Variants in ANAPC5 observed in about 807,000 individuals in gnomAD.
ANAPC5 encodes anaphase promoting complex subunit 5.
ANAPC5 carries 60 observed loss-of-function variants against 91.3 expected under a neutral mutation model. That is an observed-to-expected ratio of 0.66 (90% CI 0.53 to 0.81). The LOEUF (loss-of-function observed/expected upper bound fraction) is 0.81, where lower values mean the gene tolerates loss of function less well. ANAPC5 is among the 40% of genes least tolerant of loss of function. The pLI is 0.00. For synonymous variants in ANAPC5, 340 were observed against 364.1 expected, an observed-to-expected ratio of 0.93 and a Z score of 0.75; for missense variants, 690 against 931.5, an observed-to-expected ratio of 0.74 and a Z score of 3.37.
At chr12:121,354,027 C>T (rs1469044825), upstream of ANAPC5, among the ~76,000 whole-genome samples, 2 of 149,338 alleles carry the variant, frequency 1.3e-5, no homozygotes, top group East Asian at 3.9e-4. Flanking sequence ...CTTGCTCTGT[C>T]GCCCAGTCTG....
intron 16 of ANAPC5, 101 bp from the exon 17 acceptor site, chr12:121,308,792 G>T: frequency 1.0e-6 from 1 of 970,810 alleles, no homozygotes; most frequent in Non-Finnish European, 1.6e-6. Flanking sequence ...ACTACCAGAA[G>T]ATTCTTTTAT....
chr12:121,329,972 T>C (rs1555272716), intron 9 of ANAPC5, among the ~76,000 whole-genome samples: 1 of 152,180 alleles, frequency 6.6e-6, no homozygotes, highest in Non-Finnish European at 1.5e-5. Flanking sequence ...ATTCACGGCC[T>C]TCCCTATCAC....
intron 5 of ANAPC5, among the ~76,000 whole-genome samples, chr12:121,340,546 T>C (rs1368555656): frequency 1.3e-5 from 2 of 151,650 alleles, no homozygotes; most frequent in African/African-American, 4.8e-5. Flanking sequence ...AATTTTTTTT[T>C]TTTTTTTTGA....
intron 3 of ANAPC5, 99 bp from the exon 4 acceptor site, chr12:121,346,130 C>T: frequency 1.0e-6 from 1 of 980,124 alleles, no homozygotes; most frequent in South Asian, 1.7e-5. Context: ...TGGAATTCTT[C>T]CTTCAGAAGA....
chr12:121,346,792 C>T (rs1270667656), intron 3 of ANAPC5, 104 bp downstream of exon 3: 10 of 599,762 alleles, frequency 1.7e-5, no homozygotes, highest in Non-Finnish European at 2.5e-5. Flanking sequence ...CCAACATCCC[C>T]ACTGTGTCTG....
intron 15 of ANAPC5, among the ~76,000 whole-genome samples, chr12:121,316,423 G>T (rs1379104202): frequency 6.6e-6 from 1 of 152,058 alleles, no homozygotes; most frequent in African/African-American, 2.4e-5. Flanking sequence ...AATTCCGTTC[G>T]TAGGCATCAA....
intron 11 of ANAPC5, among the ~76,000 whole-genome samples, chr12:121,321,343 CTTTTT>C (rs71079053): frequency 3.2e-4 from 32 of 100,664 alleles, no homozygotes; most frequent in Admixed American, 1.1e-3. Flanking sequence ...AAACAAATTA[CTTTTT>C]TTTTTTTTTT....
In ANAPC5 at chr12:121,308,333, T is replaced by G. The variant is rs746117700; in HGVS notation, c.*147A>C. ...AAGGGGAATAAAACAAATACGTAGT[T>G]ACTAGCAACAAAATAAGACAAACTA... On this transcript the variant is annotated 3_prime_UTR_variant, in exon 17 of 17. Transcript: ENST00000261819. 4 of 655,564 alleles carry G rather than the reference T, an allele frequency of 6.1e-6. No homozygotes were observed. The highest frequency in any genetic ancestry group is 1.0e-5 in the Non-Finnish European group (4 of 389,348). 40.6% of individuals were successfully genotyped at this position (655,564 alleles called of 1,614,324 possible). A position where few individuals can be genotyped will look rare whatever the true frequency, so the allele number is the denominator to read the frequency against.
chr12:121,350,620 G>A (rs1903846400), intron 1 of ANAPC5, among the ~76,000 whole-genome samples: 1 of 151,250 alleles, frequency 6.6e-6, no homozygotes, highest in African/African-American at 2.4e-5. Flanking sequence ...GGCGGAGCCT[G>A]CAGTGAGCCG....
intron 7 of ANAPC5, 88 bp from the exon 8 acceptor site, chr12:121,331,516 C>A: frequency 1.8e-6 from 2 of 1,093,792 alleles, no homozygotes; most frequent in Non-Finnish European, 2.7e-6. Context: ...ACACAGTCAT[C>A]CAAATGCAGG....
At chr12:121,344,436 CG>C (rs1555274439) in intron 4 of ANAPC5, among the ~76,000 whole-genome samples, 1 of 151,798 alleles carries the variant, frequency 6.6e-6, no homozygotes, top group East Asian at 1.9e-4. Flanking sequence ...AAAATATTAG[CG>C]GGTGTGCTGG....
At chr12:121,310,711 A>G (rs1902131004) in intron 15 of ANAPC5, among the ~76,000 whole-genome samples, 1 of 152,148 alleles carries the variant, frequency 6.6e-6, no homozygotes. Context: ...AGGCGGGCAG[A>G]TCACTTGAGG....
intron 15 of ANAPC5, chr12:121,318,041 G>A (rs373173396): frequency 5.6e-6 from 2 of 358,438 alleles, no homozygotes; most frequent in African/African-American, 4.2e-5. Context: ...GAAGAGGCGA[G>A]TCCTCCTTAC....
chr12:121,308,597 C>T lies in ANAPC5; in HGVS notation c.2151G>A (p.Gln717=), dbSNP rs200968974. 1 of 1,614,158 alleles carries T rather than the reference C, an allele frequency of 6.2e-7. No homozygotes were observed. The highest frequency in any genetic ancestry group is 8.5e-7 in the Non-Finnish European group (1 of 1,180,034). ...TCCCCAGGGTATGGTAGAGTCTGGC[C>T]TGGAAGTAAACGACGTCCCTGATGC... ...KERIRDVVYF[Q]ARLYHTLGKT... The change falls in exon 17 of 17, where the codon CAG becomes CAA. Residue 717 remains glutamine (Q), a synonymous_variant. Coordinates refer to ENST00000261819, the MANE Select transcript of ANAPC5 (RefSeq NM_016237.5).
At chr12:121,349,931 G>A (rs1184703587) in intron 1 of ANAPC5, among the ~76,000 whole-genome samples, 1 of 151,688 alleles carries the variant, frequency 6.6e-6, no homozygotes, top group East Asian at 1.9e-4. Context: ...GGCTGGTCTC[G>A]AACTCCTGAC....
intron 15 of ANAPC5, among the ~76,000 whole-genome samples, chr12:121,317,283 C>T (rs552783760): frequency 4.1e-5 from 6 of 146,638 alleles, no homozygotes; most frequent in East Asian, 2.0e-4. Flanking sequence ...GATGGAGTCT[C>T]GCTCTGTTGC....
At chr12:121,316,424 T>C (rs1417299624) in intron 15 of ANAPC5, among the ~76,000 whole-genome samples, 1 of 152,108 alleles carries the variant, frequency 6.6e-6, no homozygotes, top group African/African-American at 2.4e-5. Context: ...ATTCCGTTCG[T>C]AGGCATCAAA....
At chr12:121,328,706 C>A in intron 9 of ANAPC5, 1 of 482,614 alleles carries the variant, frequency 2.1e-6, no homozygotes, top group African/African-American at 2.0e-5. Flanking sequence ...AGAGGGTACA[C>A]GGGAAAGAGC....
In ANAPC5 at chr12:121,352,156, T is replaced by C. The variant is rs1555275455; in HGVS notation, c.185A>G (p.Gln62Arg). Reference sequence around the variant, plus strand: ...CACCTGCAGCAGGGGCAGGAGCAGCTGGTTGAGCCTCCGCCGCTCCATGAG... The same window carrying C: ...CACCTGCAGCAGGGGCAGGAGCAGCCGGTTGAGCCTCCGCCGCTCCATGAG... ...VSLMERRRLN[Q>R]LLLPLLQGPD... The change falls in exon 1 of 17, where the codon CAG becomes CGG. Residue 62 changes from glutamine (Q) to arginine (R), a missense_variant. Physicochemically the swap from Gln to Arg is conservative, Grantham distance 43 (BLOSUM62 1). Coordinates refer to ENST00000261819, the MANE Select transcript of ANAPC5 (RefSeq NM_016237.5). 2 of 1,610,896 alleles carry C rather than the reference T, an allele frequency of 1.2e-6. No homozygotes were observed. The highest frequency in any genetic ancestry group is 8.5e-7 in the Non-Finnish European group (1 of 1,177,726).
Sources: gnomAD v4.1 joint callset for allele counts (sites outside exome capture counted in the v4.1 genomes callset) on GRCh38, gnomAD v4.1.1 for gene constraint, MANE v1.5 for transcripts, NCBI Gene and HGNC (gene_info 2026-07-23, HGNC 2026-07-21) for gene names.